The following PCDH1 variants were observed in gnomAD, a reference collection of about 807,000 sequenced individuals.
PCDH1 encodes the protein protocadherin 1, also known as protocadherin-1.
A neutral mutation model predicts 74.6 loss-of-function variants in PCDH1; 23 were observed. That is an observed-to-expected ratio of 0.31 (90% CI 0.22 to 0.44). The LOEUF (loss-of-function observed/expected upper bound fraction) is 0.44. Among genes scored for constraint, PCDH1 ranks in the 20% least tolerant of loss-of-function variants. The pLI, the probability that PCDH1 is intolerant of heterozygous loss-of-function variation, is 1.00. For missense variants in PCDH1, 1,214 were observed against 1,641.4 expected, an observed-to-expected ratio of 0.74 and a Z score of 4.50; for synonymous variants, 647 against 686.1, an observed-to-expected ratio of 0.94 and a Z score of 0.89.
Position 141,857,475 on chromosome 5 carries a change from C to T in PCDH1, c.3100-4G>A, listed in dbSNP as rs756317049. On this transcript the variant is annotated splice_polypyrimidine_tract_variant and splice_region_variant and intron_variant, in intron 3 of 4. Transcript: ENST00000287008. The stretch of plus-strand genomic sequence containing the variant: ...AGGTGACGCGGCGGTGAGGTAACTG[C>T]AGGGAGACAGATTGTCACTACTGAC... 6.2e-7 allele frequency: 1 copy of T among 1,612,170 alleles called. No individual in the cohort carries two copies. The highest frequency in any genetic ancestry group is 1.1e-5 in the South Asian group (1 of 90,748).
Position 141,878,108 on chromosome 5 carries a change from C to T in PCDH1, c.40+115G>A, listed in dbSNP as rs1014699031. On this transcript the variant is annotated intron_variant, in intron 1 of 4. Transcript: ENST00000287008. The surrounding 1 kb of genome is among the most constrained non-coding windows in gnomAD (Gnocchi z 5.5). ...CCCACCTCAGCCCCCTCGCGCCGAG[C>T]TCGTGTTGGGCCCCCGCGGCCTCGC... 5.1e-6 allele frequency: 5 copies of T among 977,536 alleles called. No homozygotes were observed. Among genetic ancestry groups the T allele is most frequent in the African/African-American group, 3.5e-5 (2 of 57,582 alleles). 60.6% of individuals were successfully genotyped at this position (977,536 alleles called of 1,614,324 possible).
At chr5:141,857,214 C>G (rs758288888) in intron 4 of PCDH1, 38 bp downstream of exon 4, 2 of 1,476,730 alleles carry the variant, frequency 1.4e-6, no homozygotes, top group South Asian at 1.3e-5. Flanking sequence ...GGCTTCCACT[C>G]ATTCCTGGGG....
At chr5:141,870,990 G>A (rs948025269) in intron 1 of PCDH1, among the ~76,000 whole-genome samples, 3 of 152,264 alleles carry the variant, frequency 2.0e-5, no homozygotes, top group East Asian at 3.9e-4. Context: ...CCTGCCCACG[G>A]TGACCTCTCC....
At chr5:141,861,346 G>C (rs1752557468) in intron 3 of PCDH1, among the ~76,000 whole-genome samples, 1 of 152,178 alleles carries the variant, frequency 6.6e-6, no homozygotes, top group South Asian at 2.1e-4. Flanking sequence ...GATGACAACA[G>C]GTGGTGTGGT....
Position 141,878,366 on chromosome 5 carries a change from C to G in PCDH1, c.-104G>C. 4 of 921,438 alleles carry G rather than the reference C, an allele frequency of 4.3e-6. No homozygotes were observed. Among genetic ancestry groups the G allele is most frequent in the Non-Finnish European group, 5.5e-6 (4 of 725,734 alleles). The allele number at this position is 921,438 out of a possible 1,614,324, so 57.1% of individuals were successfully genotyped here. A position where few individuals can be genotyped will look rare whatever the true frequency, so the allele number is the denominator to read the frequency against. On this transcript the variant is annotated 5_prime_UTR_variant, in exon 1 of 5. Transcript: ENST00000287008. This position sits in a 1 kb window ranked among gnomAD's most constrained non-coding sequence, Gnocchi z 5.5. ...TCCGGCTGGCTCTGGGCGCAGCAGC[C>G]CGGCGGCTTTGCGTCCGCGCCGCGC...
chr5:141,857,444 C>T lies in PCDH1; in HGVS notation c.3127G>A (p.Ala1043Thr). Residue 1043 changes from alanine to threonine, a missense_variant, in exon 4 of 5, where the codon GCC (alanine) becomes ACC (threonine). Coordinates refer to ENST00000287008, the MANE Select transcript of PCDH1 (RefSeq NM_032420.5). ...QLPHRRVTFS[A>T]TSQAQELQDP... The stretch of plus-strand genomic sequence containing the variant: ...TGCAGCTCCTGGGCCTGGCTGGTGG[C>T]CGAGAAGGTGACGCGGCGGTGAGGT... The T allele has an allele frequency of 6.2e-7, 1 of 1,613,828 alleles. No individual in the cohort carries two copies. The highest frequency in any genetic ancestry group is 2.2e-5 in the East Asian group (1 of 44,874).
intron 3 of PCDH1, among the ~76,000 whole-genome samples, chr5:141,862,095 C>T (rs1191130972): frequency 6.6e-6 from 1 of 152,156 alleles, no homozygotes; most frequent in Non-Finnish European, 1.5e-5. Context: ...TGGGGAGACA[C>T]AGGGGAGGGC....
chr5:141,865,673 A>C lies in PCDH1; in HGVS notation c.904-246T>G, dbSNP rs1752793605. ...GCCTGCAAATCCTCAACAGTGCTAC[A>C]GGCAACTATTGGAGATGGGACAGGG... is the stretch of plus-strand genomic sequence containing the variant. On this transcript the variant is annotated intron_variant, in intron 2 of 4. Coordinates refer to ENST00000287008, the MANE Select transcript of PCDH1 (RefSeq NM_032420.5). The surrounding 1 kb of genome is among the most constrained non-coding windows in gnomAD (Gnocchi z 4.4). 6.6e-6 allele frequency among the ~76,000 whole-genome samples: 1 copy of C among 152,224 alleles called. No individual in the cohort carries two copies. The highest frequency in any genetic ancestry group is 1.5e-5 in the Non-Finnish European group (1 of 68,044).
At position 141,864,882 on chromosome 5, in the gene PCDH1, G is replaced by C; in HGVS notation, c.1449C>G (p.Asn483Lys). ...GGGAGTTAGTGCTGGAGAGTGGGGG[G>C]TTGCCAGAGTCCACAGCCACAATCT... ...TIEIVAVDSG[N>K]PPLSSTNSLK... Residue 483 changes from asparagine to lysine, a missense_variant, in exon 3 of 5, where the codon AAC becomes AAG. Coordinates refer to ENST00000287008, the MANE Select transcript of PCDH1 (RefSeq NM_032420.5). The surrounding 1 kb of genome is among the most constrained non-coding windows in gnomAD (Gnocchi z 5.9). The C allele has an allele frequency of 6.2e-7, 1 of 1,614,142 alleles. No homozygotes were observed. Among genetic ancestry groups the C allele is most frequent in the Non-Finnish European group, 8.5e-7 (1 of 1,180,026 alleles).
rs554186923 is a variant in PCDH1 at position 141,860,815 on chromosome 5, C to T, written c.3099+2417G>A. Reference sequence around the variant, plus strand: ...CATGGTACCTCACACCTAGTAAGGACTCAAAAAATGGAAGTGAGTGCCGGG... The same window carrying T: ...CATGGTACCTCACACCTAGTAAGGATTCAAAAAATGGAAGTGAGTGCCGGG... On this transcript the variant is annotated intron_variant, in intron 3 of 4. Coordinates refer to ENST00000287008, the MANE Select transcript of PCDH1 (RefSeq NM_032420.5). Among the ~76,000 whole-genome samples the T allele has an allele frequency of 2.8e-4, 42 of 152,180 alleles. No individual in the cohort carries two copies. In the South Asian group the frequency reaches 8.5e-3, roughly 31 times the overall value.
chr5:141,862,755 A>C, intron 3 of PCDH1: 2 of 1,010,728 alleles, frequency 2.0e-6, no homozygotes, highest in Non-Finnish European at 2.4e-6. Flanking sequence ...CACAGAAGGC[A>C]CAATGGGAAG....
Position 141,865,163 on chromosome 5 carries a change from G to C in PCDH1, c.1168C>G (p.Arg390Gly). The C allele has an allele frequency of 6.2e-7, 1 of 1,614,084 alleles. No individual in the cohort carries two copies. Among genetic ancestry groups the C allele is most frequent in the Non-Finnish European group, 8.5e-7 (1 of 1,180,022 alleles). Residue 390 changes from arginine to glycine, a missense_variant, in exon 3 of 5, where the codon CGG becomes GGG. This residue lies in a region of PCDH1 where 836 missense variants were observed against 1,182.2 expected (regional missense o/e 0.71). Coordinates refer to ENST00000287008, the MANE Select transcript of PCDH1 (RefSeq NM_032420.5). This position sits in a 1 kb window ranked among gnomAD's most constrained non-coding sequence, Gnocchi z 4.4. ...MNDNAPTIEI[R>G]GIGLVTHQDG... ...TGATGAGTCACTAGCCCTATGCCCC[G>C]GATCTCAATGGTGGGGGCATTGTCA...
intron 1 of PCDH1, among the ~76,000 whole-genome samples, chr5:141,876,828 C>A (rs1049417748): frequency 5.5e-4 from 84 of 152,338 alleles, no homozygotes; most frequent in African/African-American, 2.0e-3. Flanking sequence ...CCAGGTGGCT[C>A]AGAAAACTCA....
chr5:141,862,117 T>C lies in PCDH1; in HGVS notation c.3099+1115A>G, dbSNP rs559816568. On this transcript the variant is annotated intron_variant, in intron 3 of 4. Coordinates refer to ENST00000287008, the MANE Select transcript of PCDH1 (RefSeq NM_032420.5). Reference sequence around the variant, plus strand: ...ACACAGGGGAGGGCCAGCGAATTGCTGGGTGTTGCCTGTTGTTGGGATGAA... The same window carrying C: ...ACACAGGGGAGGGCCAGCGAATTGCCGGGTGTTGCCTGTTGTTGGGATGAA... Among the ~76,000 whole-genome samples the C allele has an allele frequency of 7.2e-5, 11 of 152,278 alleles. No homozygotes were observed. The South Asian group carries it at 1.5e-3, about 20-fold the overall frequency.
chr5:141,860,032 GT>G (rs1157557719), intron 3 of PCDH1, among the ~76,000 whole-genome samples: 1 of 152,072 alleles, frequency 6.6e-6, no homozygotes, highest in African/African-American at 2.4e-5. Flanking sequence ...TGCCGCAGGA[GT>G]TTGCTTACAC....
At chr5:141,861,360 G>A (rs538180010) in intron 3 of PCDH1, among the ~76,000 whole-genome samples, 1 of 152,126 alleles carries the variant, frequency 6.6e-6, no homozygotes, top group African/African-American at 2.4e-5. Context: ...GTGTGGTTTG[G>A]TTGTATCTGA....
At position 141,853,580 on chromosome 5, in the gene PCDH1, G is replaced by A. The variant is rs1752205100; in HGVS notation, c.*462C>T. On this transcript the variant is annotated 3_prime_UTR_variant, in exon 5 of 5. Transcript: ENST00000287008. ...CCTTCAGGGAGCCACTGGTGGTCAA[G>A]AGTTTCCTCTGGGAGCTCCCAGGGA... 6.5e-6 allele frequency: 1 copy of A among 152,784 alleles called. No individual in the cohort carries two copies. Among genetic ancestry groups the A allele is most frequent in the Admixed American group, 6.5e-5 (1 of 15,310 alleles). The allele number at this position is 152,784 out of a possible 1,614,324, so 9.5% of individuals were successfully genotyped here. A position where few individuals can be genotyped will look rare whatever the true frequency, so the allele number is the denominator to read the frequency against.
Position 141,869,726 on chromosome 5 carries a change from G to A in PCDH1, c.41-295C>T, listed in dbSNP as rs1011285290. On this transcript the variant is annotated intron_variant, in intron 1 of 4. Coordinates refer to ENST00000287008, the MANE Select transcript of PCDH1 (RefSeq NM_032420.5). The surrounding 1 kb of genome is among the most constrained non-coding windows in gnomAD (Gnocchi z 4.9). Reference sequence around the variant, plus strand: ...CCCACCTGACGCTCCCTGGGCCCAAGCCCGGCTGCCCGCCCTCTTTCCTTC... The same window carrying A: ...CCCACCTGACGCTCCCTGGGCCCAAACCCGGCTGCCCGCCCTCTTTCCTTC... 2 of 1,462,702 alleles carry A rather than the reference G, an allele frequency of 1.4e-6. No homozygotes were observed. Among genetic ancestry groups the A allele is most frequent in the African/African-American group, 2.8e-5 (2 of 71,336 alleles). 90.6% of individuals were successfully genotyped at this position (1,462,702 alleles called of 1,614,324 possible). A position where few individuals can be genotyped will look rare whatever the true frequency, so the allele number is the denominator to read the frequency against.
At chr5:141,867,553 C>T (rs1368080967) in intron 2 of PCDH1, 1 of 455,390 alleles carries the variant, frequency 2.2e-6, no homozygotes, top group African/African-American at 2.0e-5. Flanking sequence ...TATTTGCTAT[C>T]CCCGACTGTC....
Sources: gnomAD v4.1 joint callset for allele counts (sites outside exome capture counted in the v4.1 genomes callset) on GRCh38, gnomAD v4.1.1 for gene constraint, gnomAD v4.1.1 regional missense constraint, Gnocchi (gnomAD v3.1) non-coding constraint, MANE v1.5 for transcripts, NCBI Gene and HGNC (gene_info 2026-07-23, HGNC 2026-07-21) for gene names.